Variants in NEK11 observed in about 807,000 individuals in gnomAD.
NEK11 encodes serine/threonine-protein kinase Nek11.
NEK11 carries 72 observed loss-of-function variants against 80.7 expected under a neutral mutation model. The ratio of observed to expected loss-of-function variants is 0.89; its 90% CI spans 0.74 to 1.08. The LOEUF is 1.08. Among genes scored for constraint, NEK11 ranks in the 50% least tolerant of loss-of-function variants. NEK11 has a pLI of 0.00. For missense variants in NEK11, 764 were observed against 763.6 expected, an observed-to-expected ratio of 1.00 and a Z score of -0.01; for synonymous variants, 251 against 260.7, an observed-to-expected ratio of 0.96 and a Z score of 0.36.
chr3:131,252,934 A>G (rs1042067636), intron 16 of NEK11, among the ~76,000 whole-genome samples: 1 of 152,194 alleles, frequency 6.6e-6, no homozygotes, highest in African/African-American at 2.4e-5. Context: ...CTTAAAAGCT[A>G]TAAGCTAAAA....
At chr3:131,207,018 A>G (rs1405550686) in intron 14 of NEK11, among the ~76,000 whole-genome samples, 1 of 152,178 alleles carries the variant, frequency 6.6e-6, no homozygotes, top group African/African-American at 2.4e-5. Flanking sequence ...ATGGCTGCAT[A>G]GTATTCCATG....
chr3:131,077,646 C>T (rs2074580018), intron 3 of NEK11, among the ~76,000 whole-genome samples: 2 of 152,262 alleles, frequency 1.3e-5, no homozygotes, highest in Admixed American at 6.5e-5. Flanking sequence ...GTTGGTAAGA[C>T]TTTATATTGT....
rs767685441 is a variant in NEK11, at chr3:131,029,702, T to G, written c.-7T>G. The G allele has an allele frequency of 1.9e-6, 3 of 1,613,414 alleles. No individual in the cohort carries two copies. In the South Asian group the frequency reaches 3.3e-5, roughly 18 times the overall value. On this transcript the variant is annotated 5_prime_UTR_variant, in exon 3 of 18. Coordinates refer to ENST00000383366, the MANE Select transcript of NEK11 (RefSeq NM_024800.5). ...ATGAATGAACCAGTTCTCTCTTGTT[T>G]GGAGCAATGCTGAAATTCCAAGAGG...
At position 131,029,757 on chromosome 3, in the gene NEK11, A is replaced by T; in HGVS notation, c.49A>T (p.Ile17Phe). 4 of 1,614,188 alleles carry T rather than the reference A, an allele frequency of 2.5e-6. No individual in the cohort carries two copies. Among genetic ancestry groups the T allele is most frequent in the Non-Finnish European group, 3.4e-6 (4 of 1,179,996 alleles). ...TAAGTGTGTGAGTGGATCAACAGCC[A>T]TTTCCACTTATCCAAAGACCTTGAT... ...AAKCVSGSTA[I>F]STYPKTLIAR... Residue 17 changes from isoleucine to phenylalanine, a missense_variant, in exon 3 of 18, where the codon ATT becomes TTT. Physicochemically the swap from Ile to Phe is conservative, Grantham distance 21. Transcript: ENST00000383366.
chr3:131,150,634 A>G (rs2089463115), intron 7 of NEK11, among the ~76,000 whole-genome samples: 1 of 151,896 alleles, frequency 6.6e-6, no homozygotes, highest in South Asian at 2.1e-4. Context: ...CCAGTCTGAT[A>G]ATTTAGTTTT....
intron 17 of NEK11, among the ~76,000 whole-genome samples, chr3:131,303,856 A>C (rs72991590): frequency 0.12 from 18,027 of 152,124 alleles, 1,510 homozygotes; most frequent in East Asian, 0.3. Context: ...ATAGTATCTC[A>C]CAAGGGTTCT....
At chr3:131,120,806 C>T (rs1369062020) in intron 5 of NEK11, among the ~76,000 whole-genome samples, 2 of 152,172 alleles carry the variant, frequency 1.3e-5, no homozygotes, top group African/African-American at 2.4e-5. Context: ...ACATAGTTCT[C>T]GTGCCATGGT....
intron 14 of NEK11, among the ~76,000 whole-genome samples, chr3:131,225,509 G>T (rs1305932086): frequency 6.6e-6 from 1 of 152,132 alleles, no homozygotes; most frequent in East Asian, 1.9e-4. Context: ...TACATACTTT[G>T]CATCCATTAT....
intron 17 of NEK11, among the ~76,000 whole-genome samples, chr3:131,302,835 G>C (rs2096676426): frequency 6.6e-6 from 1 of 152,132 alleles, no homozygotes; most frequent in Non-Finnish European, 1.5e-5. Context: ...GTTGTTTGGG[G>C]TGGAGAGTTC....
At chr3:131,344,258 A>G (rs957430023) in intron 17 of NEK11, among the ~76,000 whole-genome samples, 2 of 152,218 alleles carry the variant, frequency 1.3e-5, no homozygotes, top group African/African-American at 4.8e-5. Flanking sequence ...CCTAGGGCAT[A>G]GACAGAATGC....
chr3:131,065,145 G>GCTCTTTCTACTTT (rs2071673948), intron 3 of NEK11, among the ~76,000 whole-genome samples: 1 of 152,160 alleles, frequency 6.6e-6, no homozygotes, highest in Non-Finnish European at 1.5e-5. Context: ...AGTAGAAAGA[G>GCTCTTTCTACTTT]CTTTGGTCTT....
chr3:131,343,400 A>T (rs761010700), intron 17 of NEK11, among the ~76,000 whole-genome samples: 11 of 152,158 alleles, frequency 7.2e-5, no homozygotes, highest in South Asian at 4.1e-4. Context: ...ATAGTTACTG[A>T]TCCAAATAAG....
At chr3:131,080,853 T>C (rs2075152745) in intron 4 of NEK11, among the ~76,000 whole-genome samples, 1 of 152,188 alleles carries the variant, frequency 6.6e-6, no homozygotes, top group Non-Finnish European at 1.5e-5. Flanking sequence ...CTCATACTTG[T>C]AATCCCAGCA....
At position 131,206,936 on chromosome 3, in the gene NEK11, G is replaced by C. The variant is rs182236199; in HGVS notation, c.1400-21592G>C. On this transcript the variant is annotated intron_variant, in intron 14 of 17. Transcript: ENST00000383366. The stretch of plus-strand genomic sequence containing the variant: ...GTGGTGGTTGGTTTTCTGTCCTTGT[G>C]ATAGTTTGCTGGGAATGATGGTTTC... Among the ~76,000 whole-genome samples the C allele has an allele frequency of 3.6e-4, 55 of 152,174 alleles. 1 individual carries two copies. Among genetic ancestry groups the C allele is most frequent in the Admixed American group, 3.5e-3 (53 of 15,288 alleles).
At chr3:131,270,983 A>G (rs1009929610) in intron 16 of NEK11, among the ~76,000 whole-genome samples, 1 of 152,176 alleles carries the variant, frequency 6.6e-6, no homozygotes, top group African/African-American at 2.4e-5. Context: ...AGGAAAGATT[A>G]TTGTAAAAAG....
intron 14 of NEK11, among the ~76,000 whole-genome samples, chr3:131,180,885 T>G (rs2093308206): frequency 6.6e-6 from 1 of 152,350 alleles, no homozygotes. Context: ...AATTCTATAT[T>G]GGGGCCATAT....
At chr3:131,141,910 G>A (rs1480359416) in intron 7 of NEK11, among the ~76,000 whole-genome samples, 1 of 152,212 alleles carries the variant, frequency 6.6e-6, no homozygotes, top group East Asian at 1.9e-4. Flanking sequence ...TGGAGTATGA[G>A]AATCTGCTAA....
At chr3:131,271,214 T>G (rs936912273) in intron 16 of NEK11, among the ~76,000 whole-genome samples, 2 of 152,186 alleles carry the variant, frequency 1.3e-5, no homozygotes, top group Admixed American at 1.3e-4. Context: ...TTGCTGGTAC[T>G]TGTGTCTTTA....
At chr3:131,201,086 A>T (rs1202943222) in intron 14 of NEK11, among the ~76,000 whole-genome samples, 3 of 152,052 alleles carry the variant, frequency 2.0e-5, no homozygotes, top group African/African-American at 7.2e-5. Flanking sequence ...TAGACATGAT[A>T]TAACTAAAAG....
Sources: allele counts gnomAD v4.1 joint callset (sites outside exome capture counted in the v4.1 genomes callset), GRCh38; gene constraint gnomAD v4.1.1; transcripts MANE v1.5; gene names NCBI Gene and HGNC (gene_info 2026-07-23, HGNC 2026-07-21).